The following TMEM255A variants were observed in gnomAD, a reference collection of about 807,000 sequenced individuals.
The protein encoded by TMEM255A is family with sequence similarity 70, member A.
TMEM255A carries 14 observed loss-of-function variants against 23.5 expected under a neutral mutation model. The ratio of observed to expected loss-of-function variants is 0.60; its 90% CI spans 0.39 to 0.93. TMEM255A has a LOEUF of 0.93. Ranked by LOEUF, TMEM255A falls within the 40% of genes least tolerant of loss-of-function variation. TMEM255A has a pLI of 0.00. For missense variants in TMEM255A, 233 were observed against 261.7 expected, an observed-to-expected ratio of 0.89 and a Z score of 0.76; for synonymous variants, 104 against 100.3, an observed-to-expected ratio of 1.04 and a Z score of -0.22.
At chrX:120,292,331 C>T (rs1216352088) in intron 3 of TMEM255A, among the ~76,000 whole-genome samples, 1 of 111,720 alleles carries the variant, frequency 9.0e-6, no homozygotes, top group Non-Finnish European at 1.9e-5. Context: ...TAGATGCTAC[C>T]TGAGCTGACC....
In TMEM255A at chrX:120,273,370, T is replaced by C. The variant is rs573385871; in HGVS notation, c.675+3515A>G. ...ATGTTTTCATTAGCCATTCTCAAGA[T>C]GAAACACAAGAAATGTTAGAAGAAG... On this transcript the variant is annotated intron_variant, in intron 7 of 8. Transcript: ENST00000371369. 476 of 322,771 alleles carry C rather than the reference T, an allele frequency of 1.5e-3. 4 individuals carry two copies. In the South Asian group the frequency reaches 0.02, roughly 14 times the overall value. The allele number at this position is 322,771 out of a possible 1,213,427, so 26.6% of individuals were successfully genotyped here. A position where few individuals can be genotyped will look rare whatever the true frequency, so the allele number is the denominator to read the frequency against.
rs2058047058 is a variant in TMEM255A at position 120,303,716 on chromosome X, A to T, written c.201+633T>A. The stretch of plus-strand genomic sequence containing the variant: ...ATTTAAAGCCACTGTCTTTAATGAC[A>T]AGCTTCACACTAAGTGCATATTATC... On this transcript the variant is annotated intron_variant, in intron 2 of 8. Coordinates refer to ENST00000371369, the MANE Select transcript of TMEM255A (RefSeq NM_001104544.3). Among the ~76,000 whole-genome samples, 4 of 110,007 alleles carry T rather than the reference A, an allele frequency of 3.6e-5. No homozygotes were observed. In the South Asian group the frequency reaches 1.6e-3, roughly 44 times the overall value.
chrX:120,262,508 G>A (rs1489902055), intron 8 of TMEM255A, among the ~76,000 whole-genome samples: 3 of 110,998 alleles, frequency 2.7e-5, no homozygotes, highest in African/African-American at 9.8e-5. Flanking sequence ...TGAGGCAGTG[G>A]ACTCAAGACA....
intron 6 of TMEM255A, among the ~76,000 whole-genome samples, chrX:120,278,153 G>A (rs782130109): frequency 6.1e-5 from 4 of 65,271 alleles, no homozygotes; most frequent in Non-Finnish European, 8.2e-5. Flanking sequence ...CCCGACTTTC[G>A]TTCTCTCCCT....
In TMEM255A at chrX:120,310,442, C is replaced by G. The variant is rs1229132780; in HGVS notation, c.58+810G>C. 7.2e-5 allele frequency among the ~76,000 whole-genome samples: 8 copies of G among 111,080 alleles called. No homozygotes were observed. The East Asian group carries it at 2.3e-3, about 32-fold the overall frequency. On this transcript the variant is annotated intron_variant, in intron 1 of 8. Transcript: ENST00000371369. Reference sequence around the variant, plus strand: ...CTATAAGGAAAGGAGTCGAAGGGTGCCCCTCCCCCTCCATTCCGCCCTGCG... The same window carrying G: ...CTATAAGGAAAGGAGTCGAAGGGTGGCCCTCCCCCTCCATTCCGCCCTGCG...
At chrX:120,310,202 C>G (rs1269293413) in intron 1 of TMEM255A, 2 of 111,861 alleles carry the variant, frequency 1.8e-5, no homozygotes, top group Non-Finnish European at 3.8e-5. Flanking sequence ...GAAGTGTATC[C>G]GAGGCGAATT....
Position 120,268,379 on chromosome X carries a change from A to G in TMEM255A, c.684T>C (p.Thr228=). ...CAACAGAACAGTTCAGTGCTGGGAGAGTTGGGTTCTGTAGAAAAACACAAA... is the reference window on the plus strand; with the variant it reads ...CAACAGAACAGTTCAGTGCTGGGAGGGTTGGGTTCTGTAGAAAAACACAAA... ...VLGGFKDMNP[T]LPALNCSVEN... is the part of the protein sequence containing the mutation. Residue 228 remains threonine (T), a synonymous_variant, in exon 8 of 9, where the codon ACT becomes ACC. Transcript: ENST00000371369. 1 of 1,198,268 alleles carries G rather than the reference A, an allele frequency of 8.3e-7. No homozygotes were observed. The highest frequency in any genetic ancestry group is 2.3e-4 in the Middle Eastern group (1 of 4,295).
At chrX:120,307,341 C>T (rs979027085) in intron 1 of TMEM255A, among the ~76,000 whole-genome samples, 9 of 111,812 alleles carry the variant, frequency 8.0e-5, no homozygotes, top group African/African-American at 2.6e-4. Flanking sequence ...GGGAGAAGTA[C>T]AGCCGTGTTC....
rs73607689 is a variant in TMEM255A at position 120,296,526 on chromosome X, C to T, written c.202-2475G>A. On this transcript the variant is annotated intron_variant, in intron 2 of 8. Transcript: ENST00000371369. ...ATGGCTACTGTCCTCCAAGAGCTCA[C>T]GGTCTAGTAAGGGAGAGACAGACTG... 1.2e-3 allele frequency among the ~76,000 whole-genome samples: 108 copies of T among 92,654 alleles called. 1 individual carries two copies. The highest frequency in any genetic ancestry group is 4.4e-3 in the African/African-American group (101 of 22,796). The allele number at this position is 92,654 out of a possible 115,157, so 80.5% of individuals were successfully genotyped here. A position where few individuals can be genotyped will look rare whatever the true frequency, so the allele number is the denominator to read the frequency against.
rs1556016015 is a variant in TMEM255A at position 120,258,980 on chromosome X, G to C, written c.*1890C>G. 2.7e-5 allele frequency: 3 copies of C among 112,502 alleles called. No individual in the cohort carries two copies. The highest frequency in any genetic ancestry group is 1.9e-5 in the Non-Finnish European group (1 of 53,223). The allele number at this position is 112,502 out of a possible 1,213,427, so 9.3% of individuals were successfully genotyped here. On this transcript the variant is annotated 3_prime_UTR_variant, in exon 9 of 9. Coordinates refer to ENST00000371369, the MANE Select transcript of TMEM255A (RefSeq NM_001104544.3). ...AATAAAAAAGCTGCTCAAATTAAGTGTTACAAAATCTATACTGTTTCAGGT... is the reference window on the plus strand; with the variant it reads ...AATAAAAAAGCTGCTCAAATTAAGTCTTACAAAATCTATACTGTTTCAGGT...
At chrX:120,266,076 C>T (rs1415399153) in intron 8 of TMEM255A, among the ~76,000 whole-genome samples, 1 of 107,640 alleles carries the variant, frequency 9.3e-6, no homozygotes, top group East Asian at 2.9e-4. Context: ...ATCGCTTGAC[C>T]CCAGGAGGTG....
chrX:120,275,442 A>G (rs782086195), intron 7 of TMEM255A, among the ~76,000 whole-genome samples: 6 of 111,562 alleles, frequency 5.4e-5, no homozygotes, highest in African/African-American at 1.6e-4. Context: ...CCCTTGTCCT[A>G]CCCCACCTTT....
chrX:120,311,384 T>A lies in TMEM255A; in HGVS notation c.-75A>T. The A allele has an allele frequency of 1.1e-6, 1 of 890,647 alleles. No homozygotes were observed. Among genetic ancestry groups the A allele is most frequent in the Non-Finnish European group, 1.6e-6 (1 of 620,934 alleles). 73.4% of individuals were successfully genotyped at this position (890,647 alleles called of 1,213,427 possible). On this transcript the variant is annotated 5_prime_UTR_variant, in exon 1 of 9. An upstream start codon of the reference 5' UTR is lost. Transcript: ENST00000371369. Reference sequence around the variant, plus strand: ...CCGGCTCTGGGCGCCCCGCAGAGCATCCTACTCCGCGGTTGCCTCTCTCGG... The same window carrying A: ...CCGGCTCTGGGCGCCCCGCAGAGCAACCTACTCCGCGGTTGCCTCTCTCGG...
intron 7 of TMEM255A, among the ~76,000 whole-genome samples, chrX:120,276,541 T>C (rs1257403296): frequency 8.9e-6 from 1 of 111,911 alleles, no homozygotes; most frequent in African/African-American, 3.2e-5. Context: ...GGGAAAACTA[T>C]TCCCAAAAAA....
intron 7 of TMEM255A, among the ~76,000 whole-genome samples, chrX:120,276,280 C>G (rs1277481691): frequency 8.9e-6 from 1 of 112,182 alleles, no homozygotes; most frequent in Admixed American, 9.4e-5. Flanking sequence ...TTTGCAGACA[C>G]ACACACACAA....
At chrX:120,272,740 A>ATTTTTT (rs781928518) in intron 7 of TMEM255A, among the ~76,000 whole-genome samples, 3 of 81,016 alleles carry the variant, frequency 3.7e-5, no homozygotes, top group Admixed American at 1.5e-4. Context: ...GTCTTGGGCT[A>ATTTTTT]TTTTTTTTTT....
chrX:120,253,833 C>T (rs147970553), downstream of TMEM255A: 169 of 1,209,378 alleles, frequency 1.4e-4, no homozygotes, highest in East Asian at 3.6e-3. Context: ...GCCTTTACCT[C>T]CTGATTCTGG....
rs1556021527 is a variant in TMEM255A, at chrX:120,285,175, C to A, written c.464G>T (p.Arg155Leu). The A allele has an allele frequency of 6.6e-6, 8 of 1,211,227 alleles. No homozygotes were observed. The highest frequency in any genetic ancestry group is 7.8e-6 in the Non-Finnish European group (7 of 895,177). The change falls in exon 6 of 9, where the codon CGC becomes CTC. Residue 155 changes from arginine (R) to leucine (L), a missense_variant. Physicochemically the swap from Arg to Leu is moderately radical, Grantham distance 102 (BLOSUM62 -2). Coordinates refer to ENST00000371369, the MANE Select transcript of TMEM255A (RefSeq NM_001104544.3). Reference protein sequence around the residue: ...PHLSREFCTPRIRGNTCFCCD... With the variant: ...PHLSREFCTPLIRGNTCFCCD... Reference sequence around the variant, plus strand: ...GCAGAAGCAGGTGTTGCCCCGGATGCGAGGTGTGCAGAATTCACGGCTGAG... The same window carrying A: ...GCAGAAGCAGGTGTTGCCCCGGATGAGAGGTGTGCAGAATTCACGGCTGAG...
chrX:120,254,463 G>A (rs1231502325), downstream of TMEM255A: 7 of 1,211,540 alleles, frequency 5.8e-6, no homozygotes, highest in African/African-American at 3.5e-5. Context: ...TGACTCGGCC[G>A]TCAGTAATAC....
Sources: allele counts gnomAD v4.1 joint callset (sites outside exome capture counted in the v4.1 genomes callset), GRCh38; gene constraint gnomAD v4.1.1; transcripts MANE v1.5; gene names NCBI Gene and HGNC (gene_info 2026-07-23, HGNC 2026-07-21).